Variants in GALNTL6 observed in about 807,000 individuals in gnomAD.
The protein encoded by GALNTL6 is polypeptide N-acetylgalactosaminyltransferase-like 6.
A neutral mutation model predicts 73.7 loss-of-function variants in GALNTL6; 46 were observed. That is an observed-to-expected ratio of 0.62 (90% CI 0.49 to 0.80). GALNTL6 has a LOEUF of 0.80. GALNTL6 is among the 30% of genes least tolerant of loss of function. The pLI is 0.00. For missense variants in GALNTL6, 604 were observed against 755.0 expected (o/e 0.80, Z 2.34); for synonymous variants, 259 against 263.7 (o/e 0.98, Z 0.17).
intron 2 of GALNTL6, among the ~76,000 whole-genome samples, chr4:172,115,456 A>G (rs1486057902): frequency 6.6e-6 from 1 of 152,174 alleles, no homozygotes; most frequent in Non-Finnish European, 1.5e-5. Flanking sequence ...GAAAGCACAC[A>G]TCTTAATCTT....
At chr4:172,899,218 TAAGAG>T (rs1053213930) in intron 8 of GALNTL6, among the ~76,000 whole-genome samples, 3 of 152,160 alleles carry the variant, frequency 2.0e-5, no homozygotes, top group African/African-American at 7.2e-5. Flanking sequence ...CACAACGTGT[TAAGAG>T]AAATGTTATG....
intron 5 of GALNTL6, among the ~76,000 whole-genome samples, chr4:172,520,584 T>C (rs1441073176): frequency 2.0e-5 from 3 of 151,844 alleles, no homozygotes; most frequent in African/African-American, 7.2e-5. Context: ...TGAATACCTA[T>C]AGAAAGTTGT....
intron 5 of GALNTL6, among the ~76,000 whole-genome samples, chr4:172,429,396 G>A (rs1561079216): frequency 6.6e-6 from 1 of 151,710 alleles, no homozygotes; most frequent in Non-Finnish European, 1.5e-5. Context: ...ATTTTCAGTA[G>A]AGACAGCATT....
At chr4:172,322,005 T>C (rs960953869) in intron 4 of GALNTL6, among the ~76,000 whole-genome samples, 10 of 152,142 alleles carry the variant, frequency 6.6e-5, no homozygotes, top group African/African-American at 1.9e-4. Context: ...GGAGTTTAAC[T>C]GGTATATGAC....
intron 5 of GALNTL6, among the ~76,000 whole-genome samples, chr4:172,481,362 C>G (rs1733462218): frequency 6.6e-6 from 1 of 151,978 alleles, no homozygotes; most frequent in East Asian, 1.9e-4. Context: ...AGAGTGAGCA[C>G]CAGCAAGACG....
chr4:172,652,937 G>A (rs185974795), intron 5 of GALNTL6, among the ~76,000 whole-genome samples: 55 of 151,998 alleles, frequency 3.6e-4, no homozygotes, highest in Admixed American at 1.0e-3. Context: ...TAGTTGCTAC[G>A]ATTTTCAAAT....
chr4:172,474,669 A>G (rs1733170109), intron 5 of GALNTL6, among the ~76,000 whole-genome samples: 1 of 152,226 alleles, frequency 6.6e-6, no homozygotes, highest in Non-Finnish European at 1.5e-5. Context: ...ACTTTCTTAT[A>G]TCACTTAGAT....
intron 9 of GALNTL6, among the ~76,000 whole-genome samples, chr4:172,947,679 C>A (rs2126331088): frequency 6.6e-6 from 1 of 151,952 alleles, no homozygotes; most frequent in Non-Finnish European, 1.5e-5. Flanking sequence ...TCTCTTTTAC[C>A]ATCTCTGGCA....
intron 5 of GALNTL6, among the ~76,000 whole-genome samples, chr4:172,643,069 A>G (rs1740064628): frequency 6.6e-6 from 1 of 151,200 alleles, no homozygotes; most frequent in South Asian, 2.1e-4. Context: ...CCAACAGATA[A>G]ATTTGGTTAT....
rs1245444501 is a variant in GALNTL6, at chr4:171,918,883, G to A, written c.138+104165G>A. ...GACATATGCTAAATGAAATAAGCCC[G>A]TCACAGAAAGACAATTACTGCATGA... On this transcript the variant is annotated intron_variant, in intron 2 of 12. Coordinates refer to ENST00000506823, the MANE Select transcript of GALNTL6 (RefSeq NM_001034845.3). Among the ~76,000 whole-genome samples the A allele has an allele frequency of 3.9e-5, 6 of 152,158 alleles. No individual in the cohort carries two copies. The South Asian group carries it at 6.2e-4, about 16-fold the overall frequency.
rs1295860776 is a variant in GALNTL6, at chr4:172,583,153, AACACACTC to A, written c.554-226201_554-226194del. Among the ~76,000 whole-genome samples, 7 of 151,592 alleles carry A rather than the reference AACACACTC, an allele frequency of 4.6e-5. No homozygotes were observed. The East Asian group carries it at 1.4e-3, about 29-fold the overall frequency. On this transcript the variant is annotated intron_variant, in intron 5 of 12. Transcript: ENST00000506823. ...CAATTCACACATACACACACACACA[AACACACTC>A]ACACACATTCACACTTCCTGTAAAG...
At position 172,346,925 on chromosome 4, in the gene GALNTL6, G is replaced by A. The variant is rs188584502; in HGVS notation, c.387-1598G>A. Among the ~76,000 whole-genome samples, 173 of 150,924 alleles carry A rather than the reference G, an allele frequency of 1.1e-3. 1 individual carries two copies. The highest frequency in any genetic ancestry group is 3.4e-3 in the Middle Eastern group (1 of 290). On this transcript the variant is annotated intron_variant, in intron 4 of 12. Transcript: ENST00000506823. ...TTTTTGTCTACCCTTTCTCTGATTG[G>A]ATTGTATATGACTCTGAAAAGTCAT... is the stretch of plus-strand genomic sequence containing the variant.
intron 2 of GALNTL6, among the ~76,000 whole-genome samples, chr4:172,095,789 G>C (rs1732334864): frequency 6.6e-6 from 1 of 151,906 alleles, no homozygotes; most frequent in Non-Finnish European, 1.5e-5. Flanking sequence ...TTTTGTGGGA[G>C]GAAATTACTG....
chr4:172,308,772 C>T (rs1394117868), intron 3 of GALNTL6, among the ~76,000 whole-genome samples: 1 of 152,204 alleles, frequency 6.6e-6, no homozygotes, highest in East Asian at 1.9e-4. Flanking sequence ...AGATTTATGT[C>T]GTTTAAACAT....
At chr4:172,897,824 C>T (rs999357565) in intron 8 of GALNTL6, among the ~76,000 whole-genome samples, 1 of 152,148 alleles carries the variant, frequency 6.6e-6, no homozygotes, top group African/African-American at 2.4e-5. Context: ...TCTATTTTGC[C>T]ATTTTGGTGA....
chr4:171,895,199 T>G (rs1054012452), intron 2 of GALNTL6, among the ~76,000 whole-genome samples: 2 of 152,200 alleles, frequency 1.3e-5, no homozygotes, highest in Non-Finnish European at 2.9e-5. Flanking sequence ...ATTAAAAATA[T>G]TAATACAAAG....
chr4:172,428,528 C>T (rs752409244), intron 5 of GALNTL6, among the ~76,000 whole-genome samples: 2 of 152,104 alleles, frequency 1.3e-5, no homozygotes, highest in East Asian at 3.9e-4. Context: ...ACAGCTATGT[C>T]CCACGGAAGG....
rs1427859880 is a variant in GALNTL6 at position 171,887,943 on chromosome 4, T to G, written c.138+73225T>G. ...AGTATACCTATAGCTGATAGATTGG[T>G]GTATGACATGTATTTCTGGGGAAAT... On this transcript the variant is annotated intron_variant, in intron 2 of 12. Transcript: ENST00000506823. 2.0e-5 allele frequency among the ~76,000 whole-genome samples: 3 copies of G among 152,188 alleles called. No individual in the cohort carries two copies. The East Asian group carries it at 5.8e-4, about 29-fold the overall frequency.
chr4:172,383,623 C>CAA (rs1007712969), intron 5 of GALNTL6, among the ~76,000 whole-genome samples: 2 of 152,018 alleles, frequency 1.3e-5, no homozygotes, highest in African/African-American at 2.4e-5. Flanking sequence ...ATCTACAGGA[C>CAA]AATGTTGAAT....
Sources: allele counts gnomAD v4.1 joint callset (sites outside exome capture counted in the v4.1 genomes callset), GRCh38; gene constraint gnomAD v4.1.1; transcripts MANE v1.5; gene names NCBI Gene and HGNC (gene_info 2026-07-23, HGNC 2026-07-21).